The following MYT1L variants were observed in gnomAD, a reference collection of about 807,000 sequenced individuals.
The protein encoded by MYT1L is myelin transcription factor 1 like, also known as myelin transcription factor 1-like protein.
Under a neutral mutation model 126.7 loss-of-function variants are expected in MYT1L, and 12 were observed. That is an observed-to-expected ratio of 0.09 (90% confidence interval 0.06 to 0.15). The LOEUF (loss-of-function observed/expected upper bound fraction) is 0.15. Ranked by LOEUF, MYT1L falls within the 10% of genes least tolerant of loss-of-function variation. MYT1L has a pLI of 1.00. For synonymous variants in MYT1L, 541 were observed against 604.2 expected, an observed-to-expected ratio of 0.90 and a Z score of 1.53; for missense variants, 979 against 1,585.2, an observed-to-expected ratio of 0.62 and a Z score of 6.49.
intron 18 of MYT1L, among the ~76,000 whole-genome samples, chr2:1,859,848 G>A (rs2044359330): frequency 6.6e-6 from 1 of 152,248 alleles, no homozygotes; most frequent in South Asian, 2.1e-4. Flanking sequence ...CAGCGCGCCG[G>A]ATGAGAGGGG....
intron 22 of MYT1L, among the ~76,000 whole-genome samples, chr2:1,807,280 G>A (rs897855178): frequency 3.3e-5 from 5 of 152,344 alleles, no homozygotes; most frequent in Non-Finnish European, 5.9e-5. Context: ...GTACACACAC[G>A]TGGGACGTTC....
chr2:1,846,253 C>T (rs947800012), intron 19 of MYT1L, among the ~76,000 whole-genome samples: 3 of 152,172 alleles, frequency 2.0e-5, no homozygotes, highest in African/African-American at 4.8e-5. Flanking sequence ...AGGCTAGGAA[C>T]ACCTTAGTTA....
At chr2:2,207,166 C>T (rs903098901) in intron 2 of MYT1L, among the ~76,000 whole-genome samples, 1 of 152,214 alleles carries the variant, frequency 6.6e-6, no homozygotes, top group Non-Finnish European at 1.5e-5. Flanking sequence ...CTCTTTCCCC[C>T]AGGTACAATG....
intron 1 of MYT1L, among the ~76,000 whole-genome samples, chr2:2,286,128 G>A (rs767870692): frequency 6.6e-6 from 1 of 152,096 alleles, no homozygotes; most frequent in Non-Finnish European, 1.5e-5. Context: ...GAATACTGGC[G>A]TGTGCCACCA....
At chr2:2,323,398 G>A (rs1180982125) in intron 1 of MYT1L, among the ~76,000 whole-genome samples, 1 of 152,060 alleles carries the variant, frequency 6.6e-6, no homozygotes, top group Non-Finnish European at 1.5e-5. Flanking sequence ...GACAGTTAAA[G>A]AATAACAATT....
Position 1,945,855 on chromosome 2 carries a change from G to T in MYT1L, c.153-2521C>A, listed in dbSNP as rs767271710. On this transcript the variant is annotated intron_variant, in intron 8 of 24. Transcript: ENST00000647738. ...TTGGAAACTAATGATTGTCCTGTTT[G>T]TTTCTTCTATCAATACTTCTAAAAC... Among the ~76,000 whole-genome samples, 199 of 152,238 alleles carry T rather than the reference G, an allele frequency of 1.3e-3. 1 individual carries two copies. Among genetic ancestry groups the T allele is most frequent in the Non-Finnish European group, 1.4e-3 (98 of 68,002 alleles).
intron 9 of MYT1L, among the ~76,000 whole-genome samples, chr2:1,925,550 T>C (rs1352384719): frequency 1.3e-5 from 2 of 152,200 alleles, no homozygotes; most frequent in Non-Finnish European, 2.9e-5. Context: ...AATTCATAAG[T>C]TACCTTCCCC....
intron 2 of MYT1L, among the ~76,000 whole-genome samples, chr2:2,199,633 A>G (rs891154184): frequency 1.3e-5 from 2 of 152,186 alleles, no homozygotes; most frequent in African/African-American, 4.8e-5. Flanking sequence ...CACCGACTTT[A>G]TAAGGCTGTG....
chr2:2,004,158 TGTGCCTTCTTTCCTGC>T (rs907358791), intron 4 of MYT1L, among the ~76,000 whole-genome samples: 2 of 125,270 alleles, frequency 1.6e-5, no homozygotes, highest in African/African-American at 6.3e-5. Context: ...TTCTTTCCTG[TGTGCCTTCTTTCCTGC>T]GTGCCTCCTT....
intron 2 of MYT1L, among the ~76,000 whole-genome samples, chr2:2,278,012 T>C (rs1283992345): frequency 6.6e-6 from 1 of 152,234 alleles, no homozygotes; most frequent in Non-Finnish European, 1.5e-5. Flanking sequence ...GAAAAGGTAA[T>C]TATTAATTCA....
chr2:2,193,867 G>A (rs1162080696), intron 2 of MYT1L, among the ~76,000 whole-genome samples: 3 of 152,000 alleles, frequency 2.0e-5, no homozygotes, highest in Non-Finnish European at 4.4e-5. Flanking sequence ...GAAATTTCTT[G>A]AATATGAAAC....
chr2:2,266,102 A>G (rs2095123138), intron 2 of MYT1L, among the ~76,000 whole-genome samples: 1 of 152,210 alleles, frequency 6.6e-6, no homozygotes, highest in Non-Finnish European at 1.5e-5. Context: ...GAGTTTCACA[A>G]GTATGACCTC....
chr2:2,110,341 C>G (rs907677852), intron 3 of MYT1L, among the ~76,000 whole-genome samples: 3 of 152,106 alleles, frequency 2.0e-5, no homozygotes, highest in Non-Finnish European at 4.4e-5. Flanking sequence ...ATCTGTTCCC[C>G]TTTATAGGAA....
intron 19 of MYT1L, chr2:1,841,162 CTTTTTT>C: frequency 1.0e-4 from 9 of 86,118 alleles, no homozygotes; most frequent in South Asian, 3.3e-4. Flanking sequence ...ACCTCGGCCT[CTTTTTT>C]TTTTTTTTTT....
At chr2:2,027,716 C>T (rs895516579) in intron 4 of MYT1L, among the ~76,000 whole-genome samples, 32 of 152,312 alleles carry the variant, frequency 2.1e-4, no homozygotes, top group Admixed American at 7.8e-4. Context: ...ATTAACTTAG[C>T]GCTTCCATTA....
At chr2:1,850,250 T>A (rs1315133749) in intron 19 of MYT1L, among the ~76,000 whole-genome samples, 1 of 123,364 alleles carries the variant, frequency 8.1e-6, no homozygotes, top group Non-Finnish European at 1.7e-5. Flanking sequence ...CTTCCTTCCT[T>A]CCCTGTCTTT....
chr2:2,152,595 G>C (rs903903890), intron 3 of MYT1L, among the ~76,000 whole-genome samples: 6 of 152,242 alleles, frequency 3.9e-5, no homozygotes, highest in East Asian at 1.9e-4. Context: ...TCTGTGCAGA[G>C]GACAGAAAAC....
At chr2:2,054,811 T>G (rs1037986209) in intron 3 of MYT1L, among the ~76,000 whole-genome samples, 1 of 151,416 alleles carries the variant, frequency 6.6e-6, no homozygotes, top group African/African-American at 2.4e-5. Flanking sequence ...ATGAGACACA[T>G]GGAGATGGAA....
chr2:1,964,992 G>C (rs1382699534), intron 8 of MYT1L, among the ~76,000 whole-genome samples: 1 of 152,208 alleles, frequency 6.6e-6, no homozygotes, highest in African/African-American at 2.4e-5. Context: ...CATTTGCCTG[G>C]GGTGAAAATG....
Sources: gnomAD v4.1 joint callset for allele counts (sites outside exome capture counted in the v4.1 genomes callset) on GRCh38, gnomAD v4.1.1 for gene constraint, MANE v1.5 for transcripts, NCBI Gene and HGNC (gene_info 2026-07-23, HGNC 2026-07-21) for gene names.